The following CDKAL1 variants were observed in gnomAD, a reference collection of about 807,000 sequenced individuals.
CDKAL1 encodes the protein CDKAL1 threonylcarbamoyladenosine tRNA methylthiotransferase.
In CDKAL1, 32 loss-of-function variants were observed where a neutral mutation model predicts 68.2. The ratio of observed to expected loss-of-function variants is 0.47; its 90% CI spans 0.35 to 0.63. The LOEUF (loss-of-function observed/expected upper bound fraction) is 0.63. Among genes scored for constraint, CDKAL1 ranks in the 30% least tolerant of loss-of-function variants. The pLI is 0.00. For missense variants in CDKAL1, 606 were observed against 696.7 expected, an observed-to-expected ratio of 0.87 and a Z score of 1.47; for synonymous variants, 234 against 244.3, an observed-to-expected ratio of 0.96 and a Z score of 0.39.
intron 6 of CDKAL1, among the ~76,000 whole-genome samples, chr6:20,757,762 C>CT (rs1408830939): frequency 7.2e-5 from 11 of 152,096 alleles, no homozygotes; most frequent in Non-Finnish European, 1.5e-4. Context: ...TTTTGTTTGA[C>CT]TTTTTTGTGA....
At chr6:20,971,925 G>T (rs1765622698) in intron 10 of CDKAL1, among the ~76,000 whole-genome samples, 1 of 152,074 alleles carries the variant, frequency 6.6e-6, no homozygotes, top group South Asian at 2.1e-4. Flanking sequence ...AAAATAACGT[G>T]AAAAAACTGT....
intron 15 of CDKAL1, among the ~76,000 whole-genome samples, chr6:21,229,706 AC>A (rs1376164891): frequency 6.6e-6 from 1 of 151,196 alleles, no homozygotes; most frequent in Non-Finnish European, 1.5e-5. Flanking sequence ...CTCCTTCCAC[AC>A]CCCTCCTTCC....
At chr6:20,814,828 T>TAA (rs1377062233) in intron 8 of CDKAL1, among the ~76,000 whole-genome samples, 1 of 152,204 alleles carries the variant, frequency 6.6e-6, no homozygotes, top group African/African-American at 2.4e-5. Flanking sequence ...AGAGTTCTTT[T>TAA]AAGCTTGTTC....
chr6:20,684,519 G>C (rs1275948521), intron 5 of CDKAL1, among the ~76,000 whole-genome samples: 1 of 152,190 alleles, frequency 6.6e-6, no homozygotes, highest in Non-Finnish European at 1.5e-5. Flanking sequence ...CAACTCTTCT[G>C]GGAGGGCAAA....
chr6:20,936,419 T>A (rs2150686114), intron 9 of CDKAL1, among the ~76,000 whole-genome samples: 1 of 150,808 alleles, frequency 6.6e-6, no homozygotes, highest in African/African-American at 2.4e-5. Flanking sequence ...CCCGGCTAAT[T>A]TTTTGTATTT....
At chr6:21,033,972 AAGCAGCAGC>A (rs35161624) in intron 11 of CDKAL1, among the ~76,000 whole-genome samples, 16 of 151,636 alleles carry the variant, frequency 1.1e-4, no homozygotes, top group Non-Finnish European at 1.0e-4. Context: ...AATAGTGAGG[AAGCAGCAGC>A]AGCAGCAGCA....
chr6:20,934,215 G>A (rs1384196250), intron 9 of CDKAL1, among the ~76,000 whole-genome samples: 2 of 152,156 alleles, frequency 1.3e-5, no homozygotes, highest in African/African-American at 2.4e-5. Flanking sequence ...GGGGACTAGA[G>A]TGGATTTCAT....
chr6:20,540,655 C>T (rs1763355331), intron 2 of CDKAL1, among the ~76,000 whole-genome samples: 2 of 151,966 alleles, frequency 1.3e-5, no homozygotes, highest in African/African-American at 2.4e-5. Flanking sequence ...GAGGTGTCAC[C>T]ATGTTGGCCA....
chr6:20,888,616 A>C (rs1214550783), intron 9 of CDKAL1, among the ~76,000 whole-genome samples: 2 of 138,782 alleles, frequency 1.4e-5, no homozygotes, highest in African/African-American at 2.7e-5. Context: ...TGAGAACATG[A>C]GGTGTTTGGT....
intron 15 of CDKAL1, among the ~76,000 whole-genome samples, chr6:21,227,399 GATT>G (rs1355429207): frequency 1.3e-5 from 2 of 152,068 alleles, no homozygotes; most frequent in African/African-American, 4.8e-5. Flanking sequence ...GCTAGCTACT[GATT>G]ATTAATTACT....
chr6:20,917,062 C>G (rs1206329119), intron 9 of CDKAL1, among the ~76,000 whole-genome samples: 1 of 152,152 alleles, frequency 6.6e-6, no homozygotes, highest in African/African-American at 2.4e-5. Flanking sequence ...CTCACTGCAA[C>G]CTTCACCTCC....
chr6:20,598,001 AT>A (rs1765910041), intron 4 of CDKAL1, among the ~76,000 whole-genome samples: 1 of 152,052 alleles, frequency 6.6e-6, no homozygotes, highest in South Asian at 2.1e-4. Context: ...CTGAGCCAAC[AT>A]TTTCTCTCTC....
intron 13 of CDKAL1, among the ~76,000 whole-genome samples, chr6:21,170,891 T>G (rs989876773): frequency 1.3e-5 from 2 of 152,202 alleles, no homozygotes; most frequent in African/African-American, 4.8e-5. Context: ...TACAGCCCTG[T>G]CATTAATCAG....
chr6:20,892,518 G>C (rs980956788), intron 9 of CDKAL1, among the ~76,000 whole-genome samples: 1 of 152,054 alleles, frequency 6.6e-6, no homozygotes, highest in African/African-American at 2.4e-5. Context: ...GGTGACCCAG[G>C]GGTGATACTA....
chr6:20,747,200 CA>C (rs1323423009), intron 6 of CDKAL1, among the ~76,000 whole-genome samples: 3 of 152,042 alleles, frequency 2.0e-5, no homozygotes, highest in African/African-American at 7.2e-5. Flanking sequence ...AATAATATTC[CA>C]TTACTTAAAT....
intron 15 of CDKAL1, among the ~76,000 whole-genome samples, chr6:21,224,695 A>G (rs2151127487): frequency 6.6e-6 from 1 of 152,330 alleles, no homozygotes; most frequent in Admixed American, 6.5e-5. Flanking sequence ...ACCTTGACAT[A>G]GAACTTCTGA....
chr6:21,167,024 T>C lies in CDKAL1; in HGVS notation c.1300-30997T>C, dbSNP rs140445404. ...AGCCTCAGTTTCCTTATCTGTGTCCTAGAGATAATGATACTTCAAATAGTT... is the reference window on the plus strand; with the variant it reads ...AGCCTCAGTTTCCTTATCTGTGTCCCAGAGATAATGATACTTCAAATAGTT... On this transcript the variant is annotated intron_variant, in intron 13 of 15. Coordinates refer to ENST00000274695, the MANE Select transcript of CDKAL1 (RefSeq NM_017774.3). Among the ~76,000 whole-genome samples, 289 of 152,306 alleles carry C rather than the reference T, an allele frequency of 1.9e-3. 1 individual carries two copies. The highest frequency in any genetic ancestry group is 3.7e-3 in the Admixed American group (57 of 15,306).
At chr6:20,577,695 A>G (rs1226476473) in intron 4 of CDKAL1, among the ~76,000 whole-genome samples, 1 of 152,246 alleles carries the variant, frequency 6.6e-6, no homozygotes, top group Non-Finnish European at 1.5e-5. Flanking sequence ...TCTAGCCCAT[A>G]GTTACAGGGC....
intron 13 of CDKAL1, among the ~76,000 whole-genome samples, chr6:21,114,598 G>A (rs1311490864): frequency 6.6e-6 from 1 of 151,976 alleles, no homozygotes; most frequent in Non-Finnish European, 1.5e-5. Flanking sequence ...GCCAGGTGTG[G>A]TGGCATGTGC....
Sources: allele counts gnomAD v4.1 joint callset (sites outside exome capture counted in the v4.1 genomes callset), GRCh38; gene constraint gnomAD v4.1.1; transcripts MANE v1.5; gene names NCBI Gene and HGNC (gene_info 2026-07-23, HGNC 2026-07-21).